PTPRT: variants seen among roughly 807,000 people sequenced by gnomAD.
The protein encoded by PTPRT is protein tyrosine phosphatase receptor type T, also known as receptor-type tyrosine-protein phosphatase T.
A neutral mutation model predicts 176.8 loss-of-function variants in PTPRT; 56 were observed. The ratio of observed to expected loss-of-function variants is 0.32; its 90% CI spans 0.26 to 0.40. The LOEUF (loss-of-function observed/expected upper bound fraction) is 0.40, where lower values mean the gene tolerates loss of function less well. Ranked by LOEUF, PTPRT falls within the 10% of genes least tolerant of loss-of-function variation. PTPRT has a pLI of 1.00. For missense variants in PTPRT, 1,540 were observed against 1,908.2 expected (o/e 0.81, Z 3.60); for synonymous variants, 783 against 739.0 (o/e 1.06, Z -0.96).
intron 1 of PTPRT, among the ~76,000 whole-genome samples, chr20:43,130,900 AC>A: frequency 6.6e-6 from 1 of 152,326 alleles, no homozygotes; most frequent in East Asian, 1.9e-4. Context: ...AAGCTCAGAA[AC>A]AAGCCAAAGT....
intron 2 of PTPRT, among the ~76,000 whole-genome samples, chr20:42,815,313 G>A (rs2077764738): frequency 6.6e-6 from 1 of 152,140 alleles, no homozygotes; most frequent in Admixed American, 6.5e-5. Flanking sequence ...GATAGAGTGT[G>A]GTAGAGGGCT....
At chr20:42,305,398 T>A (rs958599254) in intron 12 of PTPRT, among the ~76,000 whole-genome samples, 3 of 152,172 alleles carry the variant, frequency 2.0e-5, no homozygotes, top group Admixed American at 6.6e-5. Context: ...TGAACATGTA[T>A]ACATACATAC....
At chr20:43,136,255 A>G (rs2146390574) in intron 1 of PTPRT, among the ~76,000 whole-genome samples, 2 of 152,302 alleles carry the variant, frequency 1.3e-5, no homozygotes, top group East Asian at 3.9e-4. Context: ...AAACTTTCCC[A>G]TAGTCTGCTG....
intron 7 of PTPRT, among the ~76,000 whole-genome samples, chr20:42,631,686 G>A (rs138096516): frequency 1.2e-4 from 18 of 152,262 alleles, no homozygotes; most frequent in Admixed American, 2.6e-4. Context: ...GTGAACATTG[G>A]CTGCCCCAGG....
rs111514816 is a variant in PTPRT at position 42,500,764 on chromosome 20, A to G, written c.1154-28202T>C. Among the ~76,000 whole-genome samples, 1,329 of 152,272 alleles carry G rather than the reference A, an allele frequency of 8.7e-3. 23 individuals are homozygous for G. The highest frequency in any genetic ancestry group is 0.031 in the African/African-American group (1,285 of 41,570). ...AATAAGAAAGTTCTTTTCTATTCCT[A>G]GATTTATAAGGGGTATTTTTAGTTT... On this transcript the variant is annotated intron_variant, in intron 7 of 30. Transcript: ENST00000373187.
At chr20:42,229,811 A>G (rs1474948261) in intron 15 of PTPRT, among the ~76,000 whole-genome samples, 1 of 152,238 alleles carries the variant, frequency 6.6e-6, no homozygotes, top group Non-Finnish European at 1.5e-5. Context: ...AACCCACAGA[A>G]GCAAGGAAGT....
chr20:43,119,963 T>C (rs1384732082), intron 1 of PTPRT, among the ~76,000 whole-genome samples: 1 of 152,194 alleles, frequency 6.6e-6, no homozygotes, highest in Non-Finnish European at 1.5e-5. Context: ...TTAGCAACTT[T>C]ATTCTTTTGG....
chr20:42,155,100 C>G (rs187814486), intron 17 of PTPRT, among the ~76,000 whole-genome samples: 1 of 152,298 alleles, frequency 6.6e-6, no homozygotes, highest in African/African-American at 2.4e-5. Context: ...TTAGAAAACA[C>G]TGAAGTATAT....
chr20:42,813,563 C>A (rs778965749), intron 2 of PTPRT, among the ~76,000 whole-genome samples: 1 of 152,066 alleles, frequency 6.6e-6, no homozygotes, highest in Non-Finnish European at 1.5e-5. Context: ...TGACTCCACT[C>A]GGGTGGCTCC....
At chr20:42,894,857 T>C (rs979136959) in intron 1 of PTPRT, among the ~76,000 whole-genome samples, 2 of 151,948 alleles carry the variant, frequency 1.3e-5, no homozygotes, top group African/African-American at 2.4e-5. Flanking sequence ...CATAGTGTTA[T>C]AGGGAGGAGA....
chr20:42,935,147 ATTT>A (rs57178522), intron 1 of PTPRT, among the ~76,000 whole-genome samples: 916 of 42,146 alleles, frequency 0.022, 9 homozygotes, highest in African/African-American at 0.059. Context: ...TTTTGCCATA[ATTT>A]TTTTTTTTTT....
In PTPRT at chr20:42,162,261, C is replaced by T. The variant is rs531841629; in HGVS notation, c.2492-719G>A. On this transcript the variant is annotated intron_variant, in intron 16 of 30. Transcript: ENST00000373187. ...ATAGGGAAGCCTGGGCCTCTTCCTT[C>T]AGTGCTGCTAGCTACTTTCCCCGGG... Among the ~76,000 whole-genome samples, 15 of 152,320 alleles carry T rather than the reference C, an allele frequency of 9.8e-5. No individual in the cohort carries two copies. In the South Asian group the frequency reaches 3.1e-3, roughly 32 times the overall value.
intron 9 of PTPRT, among the ~76,000 whole-genome samples, chr20:42,429,544 G>A (rs2059196784): frequency 6.6e-6 from 1 of 152,068 alleles, no homozygotes; most frequent in Admixed American, 6.5e-5. Context: ...TGAACAGAAG[G>A]CAAGGCAACA....
intron 7 of PTPRT, among the ~76,000 whole-genome samples, chr20:42,531,860 C>A (rs2072390085): frequency 1.3e-5 from 2 of 152,140 alleles, no homozygotes; most frequent in South Asian, 4.1e-4. Context: ...CATTTTACTG[C>A]AAGGGAAACA....
At chr20:42,245,747 A>G (rs6016727) in intron 14 of PTPRT, among the ~76,000 whole-genome samples, 11,253 of 152,168 alleles carry the variant, frequency 0.074, 1,376 homozygotes, top group African/African-American at 0.26. Flanking sequence ...AGTGATCACA[A>G]ACCTTCAGAG....
At chr20:43,045,953 AGTCATG>A (rs1568751878) in intron 1 of PTPRT, among the ~76,000 whole-genome samples, 1 of 152,218 alleles carries the variant, frequency 6.6e-6, no homozygotes, top group Non-Finnish European at 1.5e-5. Context: ...ACAAGGACTA[AGTCATG>A]CAGAGTTCAG....
At chr20:42,959,799 T>C (rs561390993) in intron 1 of PTPRT, among the ~76,000 whole-genome samples, 43 of 152,282 alleles carry the variant, frequency 2.8e-4, no homozygotes, top group African/African-American at 1.0e-3. Flanking sequence ...TGACACTGGC[T>C]GCAACTTGCA....
chr20:42,897,607 T>TA (rs1278014278), intron 1 of PTPRT, among the ~76,000 whole-genome samples: 1 of 152,196 alleles, frequency 6.6e-6, no homozygotes, highest in African/African-American at 2.4e-5. Flanking sequence ...TCAATGAGGT[T>TA]AAGCAGCCCC....
At chr20:42,498,772 A>G (rs2071697895) in intron 7 of PTPRT, among the ~76,000 whole-genome samples, 1 of 152,060 alleles carries the variant, frequency 6.6e-6, no homozygotes. Flanking sequence ...CTTCAGGAAG[A>G]GCTTAATTCT....
Sources: gnomAD v4.1 joint callset for allele counts (sites outside exome capture counted in the v4.1 genomes callset) on GRCh38, gnomAD v4.1.1 for gene constraint, MANE v1.5 for transcripts, NCBI Gene and HGNC (gene_info 2026-07-23, HGNC 2026-07-21) for gene names.